MCCC2: variants seen among roughly 807,000 people sequenced by gnomAD.
MCCC2 encodes methylcrotonyl-CoA carboxylase subunit 2.
Under a neutral mutation model 77.2 loss-of-function variants are expected in MCCC2, and 52 were observed. The ratio of observed to expected loss-of-function variants is 0.67; its 90% confidence interval spans 0.54 to 0.85. The LOEUF (loss-of-function observed/expected upper bound fraction) is 0.85. Among genes scored for constraint, MCCC2 ranks in the 40% least tolerant of loss-of-function variants. MCCC2 has a pLI of 0.00. For missense variants in MCCC2, 682 were observed against 703.2 expected (o/e 0.97, Z 0.34); for synonymous variants, 253 against 248.4 (o/e 1.02, Z -0.18).
chr5:71,610,558 G>T (rs181740939), intron 6 of MCCC2, among the ~76,000 whole-genome samples: 3 of 152,170 alleles, frequency 2.0e-5, no homozygotes, highest in East Asian at 1.9e-4. Flanking sequence ...GCTGTAGACC[G>T]GAGCTGTTCC....
chr5:71,651,748 T>A (rs1297985984), intron 15 of MCCC2, among the ~76,000 whole-genome samples: 1 of 152,150 alleles, frequency 6.6e-6, no homozygotes, highest in East Asian at 1.9e-4. Flanking sequence ...ATAGCTTTGC[T>A]TTTGTGCGAG....
chr5:71,592,863 T>C, intron 1 of MCCC2, 63 bp from the exon 2 acceptor site: 1 of 1,269,310 alleles, frequency 7.9e-7, no homozygotes, highest in Admixed American at 1.8e-5. Flanking sequence ...TTGACCTTTA[T>C]TTTGGTAAAA....
intron 6 of MCCC2, 73 bp from the exon 7 acceptor site, chr5:71,626,567 A>T (rs755610610): frequency 1.8e-5 from 21 of 1,194,934 alleles, no homozygotes; most frequent in Non-Finnish European, 2.1e-5. Flanking sequence ...TGTTTGTGGG[A>T]TTCTGGATCA....
At chr5:71,596,389 T>G in intron 3 of MCCC2, 25 bp downstream of exon 3, 2 of 1,568,812 alleles carry the variant, frequency 1.3e-6, no homozygotes, top group Non-Finnish European at 1.8e-6. Context: ...AAGTACTGAC[T>G]CAGAGTGTTC....
chr5:71,596,254 C>T, intron 2 of MCCC2, 26 bp from the exon 3 acceptor site: 2 of 1,596,916 alleles, frequency 1.3e-6, no homozygotes, highest in Non-Finnish European at 1.7e-6. Flanking sequence ...TCAATCTAAT[C>T]TAATCTAATC....
At chr5:71,602,869 A>C in intron 5 of MCCC2, 1 of 543,934 alleles carries the variant, frequency 1.8e-6, no homozygotes, top group South Asian at 2.4e-5. Context: ...TTTTTTCTCT[A>C]TGTGTTGTGT....
intron 10 of MCCC2, among the ~76,000 whole-genome samples, chr5:71,640,564 G>T (rs1236748384): frequency 6.6e-6 from 1 of 151,968 alleles, no homozygotes; most frequent in Non-Finnish European, 1.5e-5. Context: ...TTCCAGAAGT[G>T]AGAACTGAGA....
chr5:71,649,163 C>T lies in MCCC2; in HGVS notation c.1283C>T (p.Ala428Val), dbSNP rs376634256. The T allele has an allele frequency of 3.1e-6, 5 of 1,614,204 alleles. No individual in the cohort carries two copies. Among genetic ancestry groups the T allele is most frequent in the Middle Eastern group, 1.6e-4 (1 of 6,062 alleles). The change falls in exon 14 of 17, where the codon GCT (alanine) becomes GTT (valine). Residue 428 changes from alanine to valine, a missense_variant. Coordinates refer to ENST00000340941, the MANE Select transcript of MCCC2 (RefSeq NM_022132.5). ...AAGGATGGTGCCAAGATGGTGGCCG[C>T]TGTGGCCTGTGCCCAAGTGCCTAAG... ...IAKDGAKMVA[A>V]VACAQVPKIT...
chr5:71,644,772 T>C (rs1014851011), intron 12 of MCCC2, among the ~76,000 whole-genome samples: 4 of 152,154 alleles, frequency 2.6e-5, no homozygotes, highest in African/African-American at 9.6e-5. Context: ...TTTCATACCC[T>C]AATTGAGGAA....
intron 2 of MCCC2, among the ~76,000 whole-genome samples, chr5:71,594,224 G>A (rs1254351646): frequency 6.6e-6 from 1 of 152,088 alleles, no homozygotes; most frequent in Non-Finnish European, 1.5e-5. Flanking sequence ...GTCCCCCTTA[G>A]ACATTAAGAT....
chr5:71,633,129 A>ATTTTTTTTTTTT lies in MCCC2; in HGVS notation c.803+945_803+946insTTTTTTTTTTTT, dbSNP rs1215619050. 5.9e-3 allele frequency among the ~76,000 whole-genome samples: 480 copies of ATTTTTTTTTTTT among 81,856 alleles called. 22 individuals are homozygous for ATTTTTTTTTTTT. Among genetic ancestry groups the ATTTTTTTTTTTT allele is most frequent in the East Asian group, 0.038 (71 of 1,884 alleles). 53.7% of individuals were successfully genotyped at this position (81,856 alleles called of 152,430 possible). A position where few individuals can be genotyped will look rare whatever the true frequency, so the allele number is the denominator to read the frequency against. ...TATATATATATATATATATATATAT[A>ATTTTTTTTTTTT]TATTTTTATTTTTTGTAGAAACAGG... is the stretch of plus-strand genomic sequence containing the variant. On this transcript the variant is annotated intron_variant, in intron 8 of 16. Transcript: ENST00000340941.
intron 1 of MCCC2, among the ~76,000 whole-genome samples, 189 bp downstream of exon 1, chr5:71,587,743 A>G (rs1482192695): frequency 6.6e-6 from 1 of 152,216 alleles, no homozygotes; most frequent in Non-Finnish European, 1.5e-5. Flanking sequence ...CTGGCACTGT[A>G]CTTTGTGTCT....
intron 13 of MCCC2, among the ~76,000 whole-genome samples, chr5:71,647,770 C>T (rs2112465799): frequency 6.6e-6 from 1 of 152,270 alleles, no homozygotes; most frequent in South Asian, 2.1e-4. Flanking sequence ...GGTTCAGTGA[C>T]AGTCTTCGAG....
Position 71,602,487 on chromosome 5 carries a change from T to A in MCCC2, c.384-19T>A, listed in dbSNP as rs376327673. On this transcript the variant is annotated intron_variant, in intron 4 of 16. Coordinates refer to ENST00000340941, the MANE Select transcript of MCCC2 (RefSeq NM_022132.5). The stretch of plus-strand genomic sequence containing the variant: ...GAAATCTCTTAAATTCTCTCTCCAA[T>A]GAAATTTCTGCCTTTCAGAGTAGAA... 32 of 1,614,118 alleles carry A rather than the reference T, an allele frequency of 2.0e-5. No individual in the cohort carries two copies. The African/African-American group carries it at 4.0e-4, about 20-fold the overall frequency.
intron 8 of MCCC2, among the ~76,000 whole-genome samples, chr5:71,632,403 T>C (rs1746750183): frequency 1.3e-5 from 2 of 152,312 alleles, no homozygotes; most frequent in South Asian, 4.1e-4. Context: ...ACAGGTTTCT[T>C]ATTTATTTGA....
At chr5:71,634,858 A>T in intron 8 of MCCC2, 85 bp from the exon 9 acceptor site, 2 of 1,199,548 alleles carry the variant, frequency 1.7e-6, no homozygotes, top group Non-Finnish European at 2.5e-6. Flanking sequence ...TGTCATCTTT[A>T]GATGAGAGAA....
At chr5:71,655,292 T>G (rs1368815749) in intron 16 of MCCC2, among the ~76,000 whole-genome samples, 2 of 152,354 alleles carry the variant, frequency 1.3e-5, no homozygotes, top group East Asian at 3.9e-4. Context: ...TGCTTAGGTT[T>G]GAACATGGCT....
chr5:71,641,957 T>G (rs1354334171), intron 11 of MCCC2, among the ~76,000 whole-genome samples: 2 of 152,198 alleles, frequency 1.3e-5, no homozygotes, highest in African/African-American at 2.4e-5. Context: ...GCTTTTTGTT[T>G]GATATATAGA....
At chr5:71,604,329 C>A in intron 5 of MCCC2, 27 bp from the exon 6 acceptor site, 1 of 1,574,700 alleles carries the variant, frequency 6.4e-7, no homozygotes, top group Non-Finnish European at 8.7e-7. Flanking sequence ...CATAGAGATG[C>A]TTATGTTTCT....
Sources: gnomAD v4.1 joint callset for allele counts (sites outside exome capture counted in the v4.1 genomes callset) on GRCh38, gnomAD v4.1.1 for gene constraint, MANE v1.5 for transcripts, NCBI Gene and HGNC (gene_info 2026-07-23, HGNC 2026-07-21) for gene names.